The following RTTN variants were observed in gnomAD, a reference collection of about 807,000 sequenced individuals.
RTTN encodes the protein rotatin.
Under a neutral mutation model 269.2 loss-of-function variants are expected in RTTN, and 182 were observed. The observed-to-expected ratio is 0.68, with a 90% CI of 0.60 to 0.76. The LOEUF is 0.76. RTTN is among the 30% of genes least tolerant of loss of function. RTTN has a pLI of 0.00. For missense variants in RTTN, 2,545 were observed against 2,608.6 expected (o/e 0.98, Z 0.53); for synonymous variants, 1,006 against 963.5 (o/e 1.04, Z -0.82).
chr18:70,190,308 G>A (rs919400367), intron 9 of RTTN, among the ~76,000 whole-genome samples: 13 of 151,808 alleles, frequency 8.6e-5, no homozygotes, highest in Non-Finnish European at 1.6e-4. Flanking sequence ...GAAAGCCTGT[G>A]CCAATAAAAA....
chr18:70,064,256 T>C (rs957214119), intron 35 of RTTN, among the ~76,000 whole-genome samples: 2 of 135,834 alleles, frequency 1.5e-5, no homozygotes, highest in Non-Finnish European at 3.0e-5. Context: ...AAGAATCTCC[T>C]GAACCCAGGA....
intron 10 of RTTN, among the ~76,000 whole-genome samples, chr18:70,177,409 G>A (rs1187915235): frequency 6.6e-6 from 1 of 151,984 alleles, no homozygotes; most frequent in African/African-American, 2.4e-5. Flanking sequence ...GTTTCAAGTG[G>A]AAAATGTTAT....
At chr18:70,061,200 A>C in intron 35 of RTTN, 2 of 353,630 alleles carry the variant, frequency 5.7e-6, no homozygotes, top group East Asian at 7.5e-5. Flanking sequence ...TCCCAACAAC[A>C]CTGTATGAGA....
intron 47 of RTTN, 97 bp downstream of exon 47, chr18:70,006,284 G>T: frequency 6.4e-6 from 5 of 785,564 alleles, no homozygotes; most frequent in African/African-American, 3.5e-5. Flanking sequence ...TTCTTTTGCT[G>T]TAACTCTTGA....
chr18:70,103,068 C>T lies in RTTN; in HGVS notation c.3903+6430G>A, dbSNP rs568378147. Among the ~76,000 whole-genome samples, 5 of 144,378 alleles carry T rather than the reference C, an allele frequency of 3.5e-5. No homozygotes were observed. The South Asian group carries it at 6.7e-4, about 19-fold the overall frequency. 94.7% of individuals were successfully genotyped at this position (144,378 alleles called of 152,430 possible). ...GCTGTCCCGTCTGGGAAGTGAGGAG[C>T]GCCTCTGCCCGGCTGCCCCGTCTGG... On this transcript the variant is annotated intron_variant, in intron 28 of 48. Coordinates refer to ENST00000640769, the MANE Select transcript of RTTN (RefSeq NM_173630.4).
intron 9 of RTTN, among the ~76,000 whole-genome samples, chr18:70,189,534 T>C (rs1600009662): frequency 6.6e-6 from 1 of 152,354 alleles, no homozygotes; most frequent in South Asian, 2.1e-4. Context: ...TCATGACTGT[T>C]TTCTTTCTAA....
chr18:70,092,016 A>C, intron 30 of RTTN, 94 bp downstream of exon 30: 1 of 665,700 alleles, frequency 1.5e-6, no homozygotes, highest in South Asian at 1.8e-5. Context: ...GCCTCCCAAC[A>C]AGCTGGGATT....
At chr18:70,188,952 A>G (rs2061608883) in intron 9 of RTTN, among the ~76,000 whole-genome samples, 1 of 152,244 alleles carries the variant, frequency 6.6e-6, no homozygotes, top group Non-Finnish European at 1.5e-5. Context: ...TTTCACTAGA[A>G]GAGCTGGACC....
chr18:70,140,908 T>C (rs781669781), intron 19 of RTTN, among the ~76,000 whole-genome samples: 4 of 152,250 alleles, frequency 2.6e-5, no homozygotes, highest in African/African-American at 7.2e-5. Flanking sequence ...ATATTCTCAT[T>C]AGGAAAAACA....
intron 46 of RTTN, among the ~76,000 whole-genome samples, chr18:70,013,491 C>G (rs144057597): frequency 7.8e-4 from 114 of 145,244 alleles, no homozygotes; most frequent in African/African-American, 2.8e-3. Context: ...TTTAACAAAA[C>G]AAATGTTATT....
intron 6 of RTTN, 42 bp downstream of exon 6, chr18:70,197,582 T>C: frequency 7.7e-7 from 1 of 1,298,810 alleles, no homozygotes; most frequent in Non-Finnish European, 1.1e-6. Flanking sequence ...TTGCAAAAAG[T>C]TCTCTAGTTC....
At chr18:70,030,171 A>G (rs2056972029) in intron 41 of RTTN, 62 bp from the exon 42 acceptor site, 3 of 1,060,548 alleles carry the variant, frequency 2.8e-6, no homozygotes, top group African/African-American at 3.2e-5. Flanking sequence ...TTATAACCAC[A>G]TATACCAATC....
At chr18:70,075,689 A>G (rs1304959304) in intron 32 of RTTN, 148 bp from the exon 33 acceptor site, 1 of 575,176 alleles carries the variant, frequency 1.7e-6, no homozygotes, top group African/African-American at 2.0e-5. Flanking sequence ...CAGTTATAGC[A>G]GCCTGACCTA....
intron 47 of RTTN, chr18:70,005,695 C>A (rs75283290): frequency 0.035 from 5,452 of 155,394 alleles, 341 homozygotes; most frequent in African/African-American, 0.12. Flanking sequence ...TCTGGGGATA[C>A]CCAGGTGAGA....
rs2061496256 is a variant in RTTN at position 70,184,706 on chromosome 18, T to TTTTTTTG, written c.1305+3401_1305+3402insCAAAAAA. On this transcript the variant is annotated intron_variant, in intron 10 of 48. Transcript: ENST00000640769. ...ATTCCATTCAAAACCACAGCAGGTTTTTTTTTTTTTTGTGTGTGTGTGTGT... is the reference window on the plus strand; with the variant it reads ...ATTCCATTCAAAACCACAGCAGGTTTTTTTTTGTTTTTTTTTTTGTGTGTGTGTGTGT... Among the ~76,000 whole-genome samples the TTTTTTTG allele has an allele frequency of 3.7e-5, 2 of 54,194 alleles. 1 individual carries two copies. The highest frequency in any genetic ancestry group is 8.5e-4 in the East Asian group (2 of 2,364). The allele number at this position is 54,194 out of a possible 152,430, so 35.6% of individuals were successfully genotyped here. A position where few individuals can be genotyped will look rare whatever the true frequency, so the allele number is the denominator to read the frequency against.
intron 48 of RTTN, among the ~76,000 whole-genome samples, chr18:70,004,583 G>A (rs1371382212): frequency 6.6e-6 from 1 of 151,230 alleles, no homozygotes; most frequent in African/African-American, 2.4e-5. Flanking sequence ...GAAATTCATG[G>A]TCGCAGCTAA....
intron 46 of RTTN, chr18:70,008,365 C>T (rs974401109): frequency 6.6e-6 from 1 of 152,104 alleles, no homozygotes; most frequent in African/African-American, 2.4e-5. Context: ...AGGATCACAA[C>T]TCCTCACCAG....
At chr18:70,092,826 T>C (rs747737115) in intron 28 of RTTN, 22 bp from the exon 29 acceptor site, 1 of 1,590,872 alleles carries the variant, frequency 6.3e-7, no homozygotes, top group East Asian at 2.3e-5. Flanking sequence ...ATGTAAACAA[T>C]TTCATGGTGG....
At chr18:70,064,470 G>A (rs2058079803) in intron 35 of RTTN, among the ~76,000 whole-genome samples, 1 of 151,966 alleles carries the variant, frequency 6.6e-6, no homozygotes, top group Admixed American at 6.6e-5. Flanking sequence ...ATGGGTAACT[G>A]TAATATATTC....
Sources: allele counts gnomAD v4.1 joint callset (sites outside exome capture counted in the v4.1 genomes callset), GRCh38; gene constraint gnomAD v4.1.1; transcripts MANE v1.5; gene names NCBI Gene and HGNC (gene_info 2026-07-23, HGNC 2026-07-21).